Variants in ST8SIA4 observed in about 807,000 individuals in gnomAD.
ST8SIA4 encodes the protein ST8 alpha-N-acetyl-neuraminide alpha-2,8-sialyltransferase 4, also known as CMP-N-acetylneuraminate-poly-alpha-2,8-sialyltransferase.
A neutral mutation model predicts 33.9 loss-of-function variants in ST8SIA4; 15 were observed. The observed-to-expected ratio is 0.44, with a 90% CI of 0.30 to 0.68. The LOEUF is 0.68. ST8SIA4 is among the 30% of genes least tolerant of loss of function. The pLI is 0.10. For synonymous variants in ST8SIA4, 171 were observed against 151.2 expected (o/e 1.13, Z -0.96); for missense variants, 321 against 428.0 (o/e 0.75, Z 2.21).
chr5:100,816,570 A>G (rs1477022505), intron 4 of ST8SIA4: 2 of 508,290 alleles, frequency 3.9e-6, no homozygotes, highest in Non-Finnish European at 7.9e-6. Flanking sequence ...CCTAATAATG[A>G]TAGTTTTTTC....
intron 4 of ST8SIA4, among the ~76,000 whole-genome samples, chr5:100,843,859 C>T (rs1404646400): frequency 6.6e-6 from 1 of 151,890 alleles, no homozygotes; most frequent in Non-Finnish European, 1.5e-5. Context: ...AACTTATTTG[C>T]CCCTAAGAAT....
At chr5:100,835,493 G>T (rs538743071) in intron 4 of ST8SIA4, among the ~76,000 whole-genome samples, 1 of 152,124 alleles carries the variant, frequency 6.6e-6, no homozygotes, top group East Asian at 1.9e-4. Flanking sequence ...ATAAATATTG[G>T]AAAGTTAACT....
chr5:100,887,726 A>G (rs919969267), intron 2 of ST8SIA4, among the ~76,000 whole-genome samples: 6 of 152,078 alleles, frequency 3.9e-5, no homozygotes, highest in African/African-American at 1.2e-4. Flanking sequence ...CCATGCATCT[A>G]ATAAATATGT....
intron 3 of ST8SIA4, among the ~76,000 whole-genome samples, chr5:100,860,436 A>G (rs1267163779): frequency 6.6e-6 from 1 of 152,152 alleles, no homozygotes; most frequent in Non-Finnish European, 1.5e-5. Flanking sequence ...TTGAGGAGCA[A>G]ATAGAACAAA....
chr5:100,900,601 G>A, intron 1 of ST8SIA4: 1 of 420,576 alleles, frequency 2.4e-6, no homozygotes, highest in Non-Finnish European at 4.8e-6. Flanking sequence ...TCCTTGCACA[G>A]TCTTGGTCTC....
At chr5:100,898,833 C>T (rs1752835297) in intron 1 of ST8SIA4, among the ~76,000 whole-genome samples, 1 of 152,190 alleles carries the variant, frequency 6.6e-6, no homozygotes, top group Non-Finnish European at 1.5e-5. Flanking sequence ...TGCATAGGAT[C>T]ATCTACAAGA....
intron 3 of ST8SIA4, among the ~76,000 whole-genome samples, chr5:100,869,848 C>G (rs1752158348): frequency 6.6e-6 from 1 of 152,110 alleles, no homozygotes; most frequent in Non-Finnish European, 1.5e-5. Context: ...TCTGTCTTAT[C>G]TTTTTTGTTA....
At chr5:100,857,390 T>TA (rs1751840232) in intron 3 of ST8SIA4, among the ~76,000 whole-genome samples, 1 of 151,872 alleles carries the variant, frequency 6.6e-6, no homozygotes, top group African/African-American at 2.4e-5. Context: ...ATTTTTTTTT[T>TA]TAAAAAAACT....
At chr5:100,814,672 C>A (rs1460909326) in intron 4 of ST8SIA4, among the ~76,000 whole-genome samples, 4 of 151,772 alleles carry the variant, frequency 2.6e-5, no homozygotes, top group Non-Finnish European at 5.9e-5. Context: ...CAAATACAGT[C>A]AATAAGACTG....
rs538541858 is a variant in ST8SIA4 at position 100,856,281 on chromosome 5, C to A, written c.619G>T (p.Asp207Tyr). The change falls in exon 4 of 5, where the codon GAC (aspartate) becomes TAC (tyrosine). Residue 207 changes from aspartate to tyrosine, a missense_variant. Transcript: ENST00000231461. ...RAFGGFRNES[D>Y]REKFVHRLSM... ...AGTCTATGCACAAATTTTTCTCTGTCACTCTCATTTCGAAAGCCTCCAAAT... is the reference window on the plus strand; with the variant it reads ...AGTCTATGCACAAATTTTTCTCTGTAACTCTCATTTCGAAAGCCTCCAAAT... 748 of 1,614,126 alleles carry A rather than the reference C, an allele frequency of 4.6e-4. 4 individuals carry two copies. In the South Asian group the frequency reaches 7.8e-3, roughly 17 times the overall value.
At chr5:100,851,519 G>C (rs957485280) in intron 4 of ST8SIA4, among the ~76,000 whole-genome samples, 1 of 151,922 alleles carries the variant, frequency 6.6e-6, no homozygotes, top group Non-Finnish European at 1.5e-5. Context: ...AAAACAAGCT[G>C]TATTTATGTG....
At chr5:100,902,581 G>A (rs1489581900) in intron 1 of ST8SIA4, among the ~76,000 whole-genome samples, 1 of 152,154 alleles carries the variant, frequency 6.6e-6, no homozygotes, top group Non-Finnish European at 1.5e-5. Context: ...CTTCTGCAGT[G>A]ACTTCTCCTT....
intron 4 of ST8SIA4, among the ~76,000 whole-genome samples, chr5:100,847,209 CAAGT>C (rs1554058463): frequency 1.3e-5 from 2 of 152,130 alleles, no homozygotes; most frequent in African/African-American, 2.4e-5. Flanking sequence ...AATTTTAAAA[CAAGT>C]AAGCCATTTT....
intron 1 of ST8SIA4, chr5:100,900,514 C>T: frequency 2.2e-6 from 1 of 456,178 alleles, no homozygotes; most frequent in East Asian, 7.0e-5. Context: ...AGCTTTTCCA[C>T]GAACCTTTCA....
chr5:100,869,798 T>A (rs575240497), intron 3 of ST8SIA4, among the ~76,000 whole-genome samples: 1 of 152,182 alleles, frequency 6.6e-6, no homozygotes, highest in Non-Finnish European at 1.5e-5. Context: ...TCCCCTTGAA[T>A]GTTCTTTATT....
intron 4 of ST8SIA4, among the ~76,000 whole-genome samples, chr5:100,827,542 C>T (rs1751171378): frequency 6.6e-6 from 1 of 152,202 alleles, no homozygotes; most frequent in Admixed American, 6.5e-5. Flanking sequence ...TTCATTCCAC[C>T]ATGGAAACAG....
intron 3 of ST8SIA4, chr5:100,885,605 A>C: frequency 6.4e-6 from 6 of 933,502 alleles, no homozygotes; most frequent in Non-Finnish European, 7.7e-6. Flanking sequence ...AATTTTTCTA[A>C]GGAACTAAAA....
chr5:100,846,404 ATTAG>A (rs2112428650), intron 4 of ST8SIA4, among the ~76,000 whole-genome samples: 1 of 152,120 alleles, frequency 6.6e-6, no homozygotes, highest in East Asian at 1.9e-4. Flanking sequence ...TATGCTTCTT[ATTAG>A]TTATAGAGAT....
chr5:100,811,622 T>G lies in ST8SIA4; in HGVS notation c.*225A>C. The G allele has an allele frequency of 8.1e-6, 4 of 494,618 alleles. No homozygotes were observed. The highest frequency in any genetic ancestry group is 1.5e-5 in the Non-Finnish European group (4 of 275,136). 30.6% of individuals were successfully genotyped at this position (494,618 alleles called of 1,614,324 possible). On this transcript the variant is annotated 3_prime_UTR_variant, in exon 5 of 5. Coordinates refer to ENST00000231461, the MANE Select transcript of ST8SIA4 (RefSeq NM_005668.6). Reference sequence around the variant, plus strand: ...CTGATTATACATTCAAACTGTATTCTTAGTGGAAGTGGCACTTACTAGGAC... The same window carrying G: ...CTGATTATACATTCAAACTGTATTCGTAGTGGAAGTGGCACTTACTAGGAC...
Sources: allele counts gnomAD v4.1 joint callset (sites outside exome capture counted in the v4.1 genomes callset), GRCh38; gene constraint gnomAD v4.1.1; transcripts MANE v1.5; gene names NCBI Gene and HGNC (gene_info 2026-07-23, HGNC 2026-07-21).